The following CDIN1 variants were observed in gnomAD, a reference collection of about 807,000 sequenced individuals.
CDIN1 encodes the protein CDAN1-interacting nuclease 1.
In CDIN1, 33 loss-of-function variants were observed where a neutral mutation model predicts 45.3. That is an observed-to-expected ratio of 0.73 (90% CI 0.55 to 0.97). CDIN1 has a LOEUF of 0.97. Ranked by LOEUF, CDIN1 falls within the 50% of genes least tolerant of loss-of-function variation. The pLI is 0.00. For synonymous variants in CDIN1, 118 were observed against 124.4 expected (o/e 0.95, Z 0.34); for missense variants, 303 against 339.4 (o/e 0.89, Z 0.84).
At chr15:36,718,812 C>CTTTTTTTTT (rs3045909) in intron 10 of CDIN1, among the ~76,000 whole-genome samples, 12 of 96,630 alleles carry the variant, frequency 1.2e-4, no homozygotes, top group Non-Finnish European at 1.8e-4. Context: ...AATTTGTATG[C>CTTTTTTTTT]TTTTTTTTTT....
At chr15:36,716,273 A>G (rs2043211969) in intron 10 of CDIN1, among the ~76,000 whole-genome samples, 1 of 152,154 alleles carries the variant, frequency 6.6e-6, no homozygotes, top group African/African-American at 2.4e-5. Flanking sequence ...CACTATGACA[A>G]AGTTAATCTG....
intron 5 of CDIN1, among the ~76,000 whole-genome samples, chr15:36,672,849 T>A (rs2041503295): frequency 6.6e-6 from 1 of 151,978 alleles, no homozygotes; most frequent in Non-Finnish European, 1.5e-5. Flanking sequence ...GCCTTTTTAT[T>A]TTTGAATAAT....
At chr15:36,689,569 C>T (rs1595474753) in intron 5 of CDIN1, among the ~76,000 whole-genome samples, 1 of 152,048 alleles carries the variant, frequency 6.6e-6, no homozygotes. Context: ...GAGTGGCAGG[C>T]CAGAGAGAGT....
chr15:36,591,471 A>G (rs2037570313), intron 1 of CDIN1, among the ~76,000 whole-genome samples: 1 of 152,238 alleles, frequency 6.6e-6, no homozygotes, highest in South Asian at 2.1e-4. Flanking sequence ...TGTATGTAAC[A>G]GCCTGTATGT....
intron 10 of CDIN1, among the ~76,000 whole-genome samples, chr15:36,722,509 G>T (rs1292910814): frequency 6.6e-6 from 1 of 152,142 alleles, no homozygotes; most frequent in East Asian, 1.9e-4. Flanking sequence ...TTATCTACTG[G>T]TAGCACTCAG....
chr15:36,798,431 C>A (rs1334057959), intron 10 of CDIN1, among the ~76,000 whole-genome samples: 3 of 152,056 alleles, frequency 2.0e-5, no homozygotes, highest in Admixed American at 1.3e-4. Flanking sequence ...AGAGATTTTC[C>A]TTATCATTAA....
chr15:36,804,229 G>A (rs1426910122), intron 10 of CDIN1, among the ~76,000 whole-genome samples: 1 of 152,032 alleles, frequency 6.6e-6, no homozygotes, highest in Non-Finnish European at 1.5e-5. Context: ...TAGTAAGTGG[G>A]GTGAAAGTGT....
At chr15:36,603,801 A>G (rs181864414) in intron 1 of CDIN1, among the ~76,000 whole-genome samples, 1 of 152,272 alleles carries the variant, frequency 6.6e-6, no homozygotes, top group Admixed American at 6.5e-5. Context: ...AAAAAGAGTT[A>G]TTGTCCATTT....
chr15:36,594,807 C>T (rs572797431), intron 1 of CDIN1: 17 of 721,224 alleles, frequency 2.4e-5, no homozygotes, highest in East Asian at 3.1e-4. Flanking sequence ...AATGGGAGTC[C>T]GGCACTTAAA....
chr15:36,693,706 A>G (rs2042326363), intron 7 of CDIN1, among the ~76,000 whole-genome samples: 1 of 152,210 alleles, frequency 6.6e-6, no homozygotes, highest in Non-Finnish European at 1.5e-5. Flanking sequence ...AATAGTTGAG[A>G]TGCTTACGGG....
chr15:36,606,085 C>T (rs1218500638), intron 1 of CDIN1, among the ~76,000 whole-genome samples: 1 of 151,878 alleles, frequency 6.6e-6, no homozygotes, highest in African/African-American at 2.4e-5. Context: ...AGAATTCTAT[C>T]TGCCTCCTTC....
At chr15:36,757,900 T>C (rs2053651107) in intron 10 of CDIN1, among the ~76,000 whole-genome samples, 1 of 152,094 alleles carries the variant, frequency 6.6e-6, no homozygotes, top group South Asian at 2.1e-4. Flanking sequence ...AATAAGATAG[T>C]TTTGAGAAAG....
intron 10 of CDIN1, among the ~76,000 whole-genome samples, chr15:36,778,075 A>G (rs2054264205): frequency 6.6e-6 from 1 of 152,226 alleles, no homozygotes; most frequent in Admixed American, 6.5e-5. Context: ...CAGCGTGCTC[A>G]GGAATGTAAT....
Position 36,709,140 on chromosome 15 carries a change from A to G in CDIN1, c.545-83A>G, listed in dbSNP as rs2042967271. The G allele has an allele frequency of 3.4e-6, 4 of 1,161,056 alleles. No individual in the cohort carries two copies. The Admixed American group carries it at 1.1e-4, about 32-fold the overall frequency. 71.9% of individuals were successfully genotyped at this position (1,161,056 alleles called of 1,614,324 possible). On this transcript the variant is annotated intron_variant, in intron 8 of 10. Coordinates refer to ENST00000566621, the MANE Select transcript of CDIN1 (RefSeq NM_001321759.2). ...ATGACTACAGTAGTAATTTTTATACATATTTAAGAAATAAAAACAAATATA... is the reference window on the plus strand; with the variant it reads ...ATGACTACAGTAGTAATTTTTATACGTATTTAAGAAATAAAAACAAATATA...
intron 1 of CDIN1, among the ~76,000 whole-genome samples, chr15:36,632,421 A>G (rs2039716939): frequency 6.6e-6 from 1 of 152,216 alleles, no homozygotes; most frequent in African/African-American, 2.4e-5. Context: ...GATGACTCAT[A>G]TCACAGAAGA....
intron 10 of CDIN1, among the ~76,000 whole-genome samples, chr15:36,755,180 A>T (rs1276753470): frequency 6.6e-6 from 1 of 152,184 alleles, no homozygotes; most frequent in Non-Finnish European, 1.5e-5. Flanking sequence ...TAAAAGCTGA[A>T]ATATATTTTT....
At position 36,788,344 on chromosome 15, in the gene CDIN1, A is replaced by G. The variant is rs188466370; in HGVS notation, c.717-19980A>G. On this transcript the variant is annotated intron_variant, in intron 10 of 10. Coordinates refer to ENST00000566621, the MANE Select transcript of CDIN1 (RefSeq NM_001321759.2). ...TTGGTCAGGCTGGTCTTGAACTCCC[A>G]AAGTGCTGGGATTACATACATGAGC... Among the ~76,000 whole-genome samples, 122 of 151,738 alleles carry G rather than the reference A, an allele frequency of 8.0e-4. 1 individual carries two copies. The highest frequency in any genetic ancestry group is 2.7e-3 in the African/African-American group (113 of 41,404).
chr15:36,631,609 T>C (rs940766656), intron 1 of CDIN1, among the ~76,000 whole-genome samples: 1 of 152,218 alleles, frequency 6.6e-6, no homozygotes, highest in Non-Finnish European at 1.5e-5. Flanking sequence ...TGCTGGATAA[T>C]ATTGCATTGA....
chr15:36,732,315 GA>G (rs1003211007), intron 10 of CDIN1, among the ~76,000 whole-genome samples: 3 of 151,882 alleles, frequency 2.0e-5, no homozygotes, highest in African/African-American at 7.3e-5. Flanking sequence ...ACTGTACTAG[GA>G]AAAAAACTTA....
Sources: allele counts gnomAD v4.1 joint callset (sites outside exome capture counted in the v4.1 genomes callset), GRCh38; gene constraint gnomAD v4.1.1; transcripts MANE v1.5; gene names NCBI Gene and HGNC (gene_info 2026-07-23, HGNC 2026-07-21).